Variants in SLC30A7 observed in about 807,000 individuals in gnomAD.
The protein encoded by SLC30A7 is zinc transporter 7.
SLC30A7 carries 35 observed loss-of-function variants against 46.0 expected under a neutral mutation model. The ratio of observed to expected loss-of-function variants is 0.76; its 90% confidence interval spans 0.58 to 1.01. The LOEUF (loss-of-function observed/expected upper bound fraction) is 1.01, where lower values mean the gene tolerates loss of function less well. Among genes scored for constraint, SLC30A7 ranks in the 50% least tolerant of loss-of-function variants. The pLI, the probability that SLC30A7 is intolerant of heterozygous loss-of-function variation, is 0.00. For synonymous variants in SLC30A7, 147 were observed against 157.8 expected, an observed-to-expected ratio of 0.93 and a Z score of 0.51; for missense variants, 464 against 451.1, an observed-to-expected ratio of 1.03 and a Z score of -0.26.
chr1:100,938,311 C>T (rs1397365429), intron 8 of SLC30A7, among the ~76,000 whole-genome samples: 1 of 152,074 alleles, frequency 6.6e-6, no homozygotes, highest in African/African-American at 2.4e-5. Flanking sequence ...TTTTGAATAC[C>T]TCTTATAAAA....
At chr1:100,984,517 C>T (rs367828560), downstream of SLC30A7, among the ~76,000 whole-genome samples, 51 of 152,264 alleles carry the variant, frequency 3.3e-4, 1 homozygote, top group South Asian at 9.1e-3. Flanking sequence ...ATCCAACAGA[C>T]GACTTCGTAA....
chr1:100,983,103 G>A (rs114000477), downstream of SLC30A7, among the ~76,000 whole-genome samples: 405 of 152,202 alleles, frequency 2.7e-3, 6 homozygotes, highest in African/African-American at 9.5e-3. Context: ...GCTCCCTAAT[G>A]CTTATCAAGT....
rs1191225613 is a variant in SLC30A7 at position 100,975,519 on chromosome 1, T to G, written c.*662T>G. 1 of 152,570 alleles carries G rather than the reference T, an allele frequency of 6.6e-6. No homozygotes were observed. Among genetic ancestry groups the G allele is most frequent in the Non-Finnish European group, 1.5e-5 (1 of 68,038 alleles). 9.5% of individuals were successfully genotyped at this position (152,570 alleles called of 1,614,324 possible). A position where few individuals can be genotyped will look rare whatever the true frequency, so the allele number is the denominator to read the frequency against. ...TGTACCATCAAGAGTCATGTATGTT[T>G]TATTTTTGTTTTTATTTTTTATTTT... On this transcript the variant is annotated 3_prime_UTR_variant, in exon 11 of 11. Coordinates refer to ENST00000357650, the MANE Select transcript of SLC30A7 (RefSeq NM_133496.5).
At chr1:100,955,387 G>A (rs894026448) in intron 8 of SLC30A7, among the ~76,000 whole-genome samples, 18 of 152,044 alleles carry the variant, frequency 1.2e-4, no homozygotes, top group Non-Finnish European at 2.6e-4. Flanking sequence ...GTTTATGATT[G>A]TAAGATTATA....
chr1:100,990,393 G>A, the SLC30A7 span: 1 of 1,607,452 alleles, frequency 6.2e-7, no homozygotes. Flanking sequence ...ATCAGACAAT[G>A]GTAAATATCT....
rs76006229 is a variant in SLC30A7, at chr1:100,914,786, G to C, written c.655+980G>C. On this transcript the variant is annotated intron_variant, in intron 6 of 10. Transcript: ENST00000357650. ...GAAAATATGAAAGGGACCTTGAAGAGTGAGCCTTCTAAGCCCTTCATTTTT... is the reference window on the plus strand; with the variant it reads ...GAAAATATGAAAGGGACCTTGAAGACTGAGCCTTCTAAGCCCTTCATTTTT... 5.4e-3 allele frequency among the ~76,000 whole-genome samples: 822 copies of C among 152,234 alleles called. 2 individuals are homozygous for C. Among genetic ancestry groups the C allele is most frequent in the African/African-American group, 0.019 (798 of 41,534 alleles).
chr1:100,931,336 C>G (rs1366094026), intron 8 of SLC30A7, among the ~76,000 whole-genome samples: 1 of 152,150 alleles, frequency 6.6e-6, no homozygotes, highest in African/African-American at 2.4e-5. Flanking sequence ...CTCATTTCCT[C>G]TCTCTGCCAT....
Position 100,910,124 on chromosome 1 carries a change from C to A in SLC30A7, c.297-939C>A, listed in dbSNP as rs1168568139. On this transcript the variant is annotated intron_variant, in intron 3 of 10. Transcript: ENST00000357650. ...TTGATAGAGTACATTTTCAAGAATTCTCTTTAAAAATATTTTTACAGTAAA... is the reference window on the plus strand; with the variant it reads ...TTGATAGAGTACATTTTCAAGAATTATCTTTAAAAATATTTTTACAGTAAA... Among the ~76,000 whole-genome samples, 4 of 152,170 alleles carry A rather than the reference C, an allele frequency of 2.6e-5. No homozygotes were observed. The East Asian group carries it at 7.7e-4, about 29-fold the overall frequency.
intron 10 of SLC30A7, among the ~76,000 whole-genome samples, chr1:100,967,564 C>T (rs1306866412): frequency 6.6e-6 from 1 of 152,160 alleles, no homozygotes; most frequent in Non-Finnish European, 1.5e-5. Context: ...TTGAAACTGA[C>T]ATTATATTCC....
At chr1:100,953,594 G>A (rs1012594454) in intron 8 of SLC30A7, among the ~76,000 whole-genome samples, 5 of 152,010 alleles carry the variant, frequency 3.3e-5, no homozygotes, top group African/African-American at 9.7e-5. Flanking sequence ...TTACCTAACC[G>A]CTGCTTTCAG....
At chr1:100,905,732 A>G (rs1338943898) in intron 2 of SLC30A7, among the ~76,000 whole-genome samples, 1 of 152,186 alleles carries the variant, frequency 6.6e-6, no homozygotes, top group Non-Finnish European at 1.5e-5. Flanking sequence ...TTAAAAAATT[A>G]TCATTTCCAT....
At chr1:100,914,024 A>G (rs1034871453) in intron 6 of SLC30A7, among the ~76,000 whole-genome samples, 4 of 152,222 alleles carry the variant, frequency 2.6e-5, no homozygotes, top group African/African-American at 4.8e-5. Flanking sequence ...AGGGTATATC[A>G]TAATAAAATG....
At chr1:100,913,860 G>A in intron 6 of SLC30A7, 54 bp downstream of exon 6, 1 of 1,558,796 alleles carries the variant, frequency 6.4e-7, no homozygotes, top group Non-Finnish European at 8.7e-7. Flanking sequence ...AGAGTTTTGT[G>A]GATTACTTTT....
chr1:100,990,246 G>C, the SLC30A7 span: 1 of 646,028 alleles, frequency 1.5e-6, no homozygotes, highest in East Asian at 2.7e-5. Flanking sequence ...ACTATCATGA[G>C]AATAGCATGA....
rs1654285859 is a variant in SLC30A7 at position 100,940,684 on chromosome 1, CAG to C, written c.842+18844_842+18845del. Among the ~76,000 whole-genome samples the C allele has an allele frequency of 2.0e-5, 3 of 152,256 alleles. No individual in the cohort carries two copies. In the South Asian group the frequency reaches 6.2e-4, roughly 32 times the overall value. ...ATTAATTTATTTTTAAAGACACATT[CAG>C]TGTCATGATCGGACTATAACATTTA... On this transcript the variant is annotated intron_variant, in intron 8 of 10. Coordinates refer to ENST00000357650, the MANE Select transcript of SLC30A7 (RefSeq NM_133496.5).
At chr1:100,913,912 C>A (rs539026773) in intron 6 of SLC30A7, 106 bp downstream of exon 6, 38 of 1,453,184 alleles carry the variant, frequency 2.6e-5, no homozygotes, top group Non-Finnish European at 3.3e-5. Context: ...AAATCAACTT[C>A]TTTTCTAATG....
At chr1:100,968,523 C>A (rs901273368) in intron 10 of SLC30A7, among the ~76,000 whole-genome samples, 1 of 152,004 alleles carries the variant, frequency 6.6e-6, no homozygotes, top group Non-Finnish European at 1.5e-5. Flanking sequence ...CTTGGTGGCG[C>A]CTCATTGCCA....
the SLC30A7 span, among the ~76,000 whole-genome samples, chr1:100,994,792 G>GC: frequency 6.6e-6 from 1 of 152,128 alleles, no homozygotes; most frequent in African/African-American, 2.4e-5. Flanking sequence ...CTCCCAAAGT[G>GC]CTGGGACTAC....
At chr1:100,900,878 C>G (rs1008711251) in intron 2 of SLC30A7, among the ~76,000 whole-genome samples, 2 of 152,068 alleles carry the variant, frequency 1.3e-5, no homozygotes, top group African/African-American at 4.8e-5. Context: ...AGCTTAGTTA[C>G]CAATAGACCT....
Sources: allele counts gnomAD v4.1 joint callset (sites outside exome capture counted in the v4.1 genomes callset), GRCh38; gene constraint gnomAD v4.1.1; transcripts MANE v1.5; gene names NCBI Gene and HGNC (gene_info 2026-07-23, HGNC 2026-07-21).